The following TCN2 variants were observed in gnomAD, a reference collection of about 807,000 sequenced individuals.
TCN2 encodes the protein transcobalamin 2, also known as transcobalamin-2.
TCN2 carries 34 observed loss-of-function variants against 48.6 expected under a neutral mutation model. That is an observed-to-expected ratio of 0.70 (90% CI 0.53 to 0.93). The LOEUF is 0.93. Among genes scored for constraint, TCN2 ranks in the 40% least tolerant of loss-of-function variants. The probability of loss-of-function intolerance (pLI) is 0.00; values close to 1 mark genes in which losing one functional copy is unlikely to be tolerated. For missense variants in TCN2, 652 were observed against 526.1 expected (o/e 1.24, Z -2.34); for synonymous variants, 283 against 212.5 (o/e 1.33, Z -2.89).
At chr22:30,615,059 G>A (rs2087592450) in intron 4 of TCN2, among the ~76,000 whole-genome samples, 2 of 152,308 alleles carry the variant, frequency 1.3e-5, no homozygotes, top group African/African-American at 4.8e-5. Context: ...AGAGTGATCA[G>A]CCAAACCAGT....
In TCN2 at chr22:30,615,486, C is replaced by A. The variant is rs771453023; in HGVS notation, c.753+13C>A. ...ATTGGCATTACAGGTGGGAAAGAGA[C>A]CCTGGAGCCATGGCCACCCTGGGGA... On this transcript the variant is annotated intron_variant, in intron 5 of 8. Transcript: ENST00000215838. The A allele has an allele frequency of 1.3e-5, 21 of 1,613,794 alleles. No individual in the cohort carries two copies. The South Asian group carries it at 2.2e-4, about 17-fold the overall frequency.
At chr22:30,624,544 C>G (rs1000516683) in intron 8 of TCN2, among the ~76,000 whole-genome samples, 2 of 144,144 alleles carry the variant, frequency 1.4e-5, no homozygotes, top group African/African-American at 5.0e-5. Context: ...GCATTCTTTT[C>G]TTGCCCTCAT....
rs740234 is a variant in TCN2 at position 30,612,758 on chromosome 22, A to G, written c.258-115A>G. 0.18 allele frequency: 238,343 copies of G among 1,332,756 alleles called. 23,407 individuals carry two copies. The highest frequency in any genetic ancestry group is 0.2 in the Non-Finnish European group (190,967 of 956,772). 82.6% of individuals were successfully genotyped at this position (1,332,756 alleles called of 1,614,324 possible). On this transcript the variant is annotated intron_variant, in intron 2 of 8. Transcript: ENST00000215838. ...CACACCTCCTTTTGGAGCTTTTATC[A>G]AAGTTTCCCACTGTTAAGATTTTTT...
chr22:30,611,629 A>G (rs1470494526), intron 2 of TCN2, among the ~76,000 whole-genome samples: 1 of 152,144 alleles, frequency 6.6e-6, no homozygotes, highest in Non-Finnish European at 1.5e-5. Context: ...TGCCTCAGCC[A>G]CCTGAATAGC....
chr22:30,625,508 C>T (rs1392083622), intron 8 of TCN2, among the ~76,000 whole-genome samples: 6 of 151,956 alleles, frequency 3.9e-5, no homozygotes, highest in African/African-American at 7.3e-5. Context: ...CTGTCACCCA[C>T]GCTGAGTGCA....
At chr22:30,626,373 G>C in intron 8 of TCN2, 87 bp from the exon 9 acceptor site, 1 of 1,409,924 alleles carries the variant, frequency 7.1e-7, no homozygotes, top group Non-Finnish European at 1.0e-6. Flanking sequence ...ACAGACTCTA[G>C]CCTCAGGGTG....
intron 1 of TCN2, among the ~76,000 whole-genome samples, chr22:30,609,233 G>A (rs117051272): frequency 0.012 from 1,765 of 151,662 alleles, 19 homozygotes; most frequent in Non-Finnish European, 0.018. Flanking sequence ...AAACTCCTAG[G>A]GTCAAGCGAT....
intron 7 of TCN2, 26 bp downstream of exon 7, chr22:30,617,521 A>ACC: frequency 6.2e-7 from 1 of 1,613,746 alleles, no homozygotes; most frequent in South Asian, 1.1e-5. Flanking sequence ...CCCAGTCCTC[A>ACC]CCCCACCCAA....
intron 7 of TCN2, among the ~76,000 whole-genome samples, chr22:30,622,144 C>T (rs1317210425): frequency 6.6e-6 from 1 of 152,214 alleles, no homozygotes; most frequent in African/African-American, 2.4e-5. Context: ...TGAACCACCA[C>T]ACCTGGCTAA....
chr22:30,615,914 C>G, intron 6 of TCN2, 127 bp downstream of exon 6: 1 of 1,139,648 alleles, frequency 8.8e-7, no homozygotes, highest in Non-Finnish European at 1.3e-6. Flanking sequence ...GTGCATGGGA[C>G]ACAGCAGCCA....
At chr22:30,622,900 G>A (rs2087719052) in intron 7 of TCN2, 68 bp from the exon 8 acceptor site, 3 of 1,528,240 alleles carry the variant, frequency 2.0e-6, no homozygotes, top group Non-Finnish European at 2.7e-6. Flanking sequence ...TGCTGTGGGT[G>A]AGCACTGCCT....
intron 7 of TCN2, 173 bp downstream of exon 7, chr22:30,617,668 C>T (rs754498957): frequency 1.0e-4 from 88 of 870,860 alleles, no homozygotes; most frequent in Non-Finnish European, 1.5e-4. Context: ...AAACAGGGAG[C>T]CATAGGCCAG....
At position 30,615,298 on chromosome 22, in the gene TCN2, A is replaced by C; in HGVS notation, c.581-3A>C. 6.2e-7 allele frequency: 1 copy of C among 1,614,024 alleles called. No individual in the cohort carries two copies. Among genetic ancestry groups the C allele is most frequent in the Non-Finnish European group, 8.5e-7 (1 of 1,179,984 alleles). The stretch of plus-strand genomic sequence containing the variant: ...CATTGCATGTTCTGTCCCCCACTTC[A>C]AGACACAGCAGCCATGGCAGGCTTG... On this transcript the variant is annotated splice_region_variant and splice_polypyrimidine_tract_variant and intron_variant, in intron 4 of 8. Coordinates refer to ENST00000215838, the MANE Select transcript of TCN2 (RefSeq NM_000355.4).
chr22:30,611,808 A>G (rs1292805686), intron 2 of TCN2, among the ~76,000 whole-genome samples: 1 of 152,216 alleles, frequency 6.6e-6, no homozygotes, highest in East Asian at 1.9e-4. Flanking sequence ...GCACCAATCC[A>G]AAAGCAGCAT....
intron 8 of TCN2, among the ~76,000 whole-genome samples, chr22:30,625,024 C>T (rs561047908): frequency 6.6e-6 from 1 of 152,276 alleles, no homozygotes; most frequent in Admixed American, 6.5e-5. Context: ...CAAGACTAGC[C>T]TGACCAACAT....
At chr22:30,610,154 C>T (rs2087514430) in intron 1 of TCN2, 1 of 467,080 alleles carries the variant, frequency 2.1e-6, no homozygotes, top group African/African-American at 2.0e-5. Flanking sequence ...ATAAATCCCA[C>T]AGCAACAGGT....
At chr22:30,610,128 C>T (rs999803397) in intron 1 of TCN2, 25 of 456,572 alleles carry the variant, frequency 5.5e-5, no homozygotes, top group Non-Finnish European at 8.2e-5. Context: ...TGAGTATTTT[C>T]GTTGCACAGC....
chr22:30,612,286 C>T lies in TCN2; in HGVS notation c.258-587C>T, dbSNP rs868325232. Among the ~76,000 whole-genome samples the T allele has an allele frequency of 2.6e-4, 40 of 151,156 alleles. No homozygotes were observed. The Middle Eastern group carries it at 0.01, about 40-fold the overall frequency. ...AAATATGGCTGGGTGTGGTGGCTCA[C>T]GCCTGTAATCCCAGCACTTTGGGAG... is the stretch of plus-strand genomic sequence containing the variant. On this transcript the variant is annotated intron_variant, in intron 2 of 8. Transcript: ENST00000215838.
At chr22:30,615,832 C>A in intron 6 of TCN2, 45 bp downstream of exon 6, 6 of 1,609,670 alleles carry the variant, frequency 3.7e-6, no homozygotes, top group Non-Finnish European at 5.1e-6. Flanking sequence ...CAATCTGCTG[C>A]GCACCCATTG....
Sources: allele counts gnomAD v4.1 joint callset (sites outside exome capture counted in the v4.1 genomes callset), GRCh38; gene constraint gnomAD v4.1.1; transcripts MANE v1.5; gene names NCBI Gene and HGNC (gene_info 2026-07-23, HGNC 2026-07-21).